The following FILIP1L variants were observed in gnomAD, a reference collection of about 807,000 sequenced individuals.
FILIP1L encodes the protein filamin A-interacting protein 1-like.
A neutral mutation model predicts 96.6 loss-of-function variants in FILIP1L; 55 were observed. That is an observed-to-expected ratio of 0.57 (90% confidence interval 0.46 to 0.71). FILIP1L has a LOEUF of 0.71. Among genes scored for constraint, FILIP1L ranks in the 30% least tolerant of loss-of-function variants. The pLI is 0.00. For missense variants in FILIP1L, 1,304 were observed against 1,321.2 expected (o/e 0.99, Z 0.20); for synonymous variants, 467 against 473.9 (o/e 0.99, Z 0.19).
chr3:100,078,159 A>G (rs1282749714), intron 1 of FILIP1L, among the ~76,000 whole-genome samples: 1 of 152,162 alleles, frequency 6.6e-6, no homozygotes, highest in Non-Finnish European at 1.5e-5. Context: ...TATTGGTGCT[A>G]ATATATTTGC....
chr3:99,877,165 T>A (rs1426297743), intron 4 of FILIP1L, among the ~76,000 whole-genome samples: 1 of 152,210 alleles, frequency 6.6e-6, no homozygotes, highest in Admixed American at 6.5e-5. Flanking sequence ...ATCTGCTAAA[T>A]AAATTAGGGA....
intron 1 of FILIP1L, among the ~76,000 whole-genome samples, chr3:100,104,583 C>A (rs937148969): frequency 6.6e-6 from 1 of 152,238 alleles, no homozygotes; most frequent in South Asian, 2.1e-4. Context: ...AGAGAAGAAC[C>A]GAGTACAGAT....
chr3:99,928,250 C>A (rs1294155872), intron 3 of FILIP1L, among the ~76,000 whole-genome samples: 1 of 152,192 alleles, frequency 6.6e-6, no homozygotes, highest in Non-Finnish European at 1.5e-5. Flanking sequence ...GGGCATTCCC[C>A]TCTCACCTAG....
intron 4 of FILIP1L, among the ~76,000 whole-genome samples, chr3:99,888,346 A>G (rs2107611241): frequency 6.6e-6 from 1 of 152,190 alleles, no homozygotes; most frequent in South Asian, 2.1e-4. Context: ...AGCCTGGGCA[A>G]CAGAGTGAGA....
intron 1 of FILIP1L, among the ~76,000 whole-genome samples, chr3:100,099,004 G>A (rs752778128): frequency 4.6e-5 from 7 of 152,154 alleles, no homozygotes; most frequent in Non-Finnish European, 8.8e-5. Flanking sequence ...GCAGGTTTTT[G>A]CTTTCCTGAT....
At chr3:100,036,740 A>G (rs1373359525) in intron 1 of FILIP1L, among the ~76,000 whole-genome samples, 2 of 152,194 alleles carry the variant, frequency 1.3e-5, no homozygotes, top group African/African-American at 2.4e-5. Flanking sequence ...ATTACTTATT[A>G]ATAATCATGG....
In FILIP1L at chr3:100,072,522, T is replaced by C. The variant is rs547444858; in HGVS notation, c.-11+41531A>G. ...GAGGCATTTGCAGTGGTGCAATATC[T>C]TGCATTACTTTGTAAAGTTGTGACA... On this transcript the variant is annotated intron_variant, in intron 1 of 5. Transcript: ENST00000477258. 5.3e-5 allele frequency among the ~76,000 whole-genome samples: 8 copies of C among 152,328 alleles called. No homozygotes were observed. In the South Asian group the frequency reaches 1.0e-3, roughly 20 times the overall value.
intron 1 of FILIP1L, among the ~76,000 whole-genome samples, chr3:99,938,430 G>C (rs971517805): frequency 3.3e-5 from 5 of 152,210 alleles, no homozygotes; most frequent in African/African-American, 1.2e-4. Flanking sequence ...CACGGAGTGA[G>C]TCTGTGCTAA....
chr3:99,973,113 T>C (rs750736824), intron 1 of FILIP1L, among the ~76,000 whole-genome samples: 3 of 152,142 alleles, frequency 2.0e-5, no homozygotes, highest in Non-Finnish European at 2.9e-5. Flanking sequence ...AAGGGCAAAA[T>C]GAGGCCACCT....
chr3:99,975,535 T>G (rs1708944310), intron 1 of FILIP1L, among the ~76,000 whole-genome samples: 1 of 151,356 alleles, frequency 6.6e-6, no homozygotes, highest in South Asian at 2.1e-4. Flanking sequence ...GACGTTGCAG[T>G]GAGCCGAGGT....
At chr3:99,869,803 A>G (rs1944699655) in intron 4 of FILIP1L, among the ~76,000 whole-genome samples, 1 of 152,240 alleles carries the variant, frequency 6.6e-6, no homozygotes, top group Admixed American at 6.5e-5. Flanking sequence ...AGAGAAAAAC[A>G]TATTTCACCT....
intron 1 of FILIP1L, among the ~76,000 whole-genome samples, chr3:99,998,145 C>T (rs527266082): frequency 6.6e-6 from 1 of 152,196 alleles, no homozygotes; most frequent in Non-Finnish European, 1.5e-5. Context: ...TTTCTAATCT[C>T]AGCAAGATCT....
At chr3:100,019,310 T>C (rs2064762047) in intron 1 of FILIP1L, among the ~76,000 whole-genome samples, 1 of 152,044 alleles carries the variant, frequency 6.6e-6, no homozygotes, top group Non-Finnish European at 1.5e-5. Flanking sequence ...CAGTAAGCTA[T>C]GATCATGCCA....
chr3:99,893,921 T>C (rs529670947), intron 4 of FILIP1L, among the ~76,000 whole-genome samples: 5 of 152,320 alleles, frequency 3.3e-5, no homozygotes, highest in Non-Finnish European at 7.4e-5. Context: ...TTTCTGTGAG[T>C]TGCTCTACAG....
intron 4 of FILIP1L, among the ~76,000 whole-genome samples, chr3:99,867,614 T>C (rs1434599765): frequency 6.6e-6 from 1 of 152,168 alleles, no homozygotes; most frequent in African/African-American, 2.4e-5. Context: ...CTTGTCACCT[T>C]AGCTGCAACA....
intron 1 of FILIP1L, among the ~76,000 whole-genome samples, chr3:99,984,196 A>G (rs528068962): frequency 3.3e-5 from 5 of 152,238 alleles, no homozygotes; most frequent in Non-Finnish European, 7.4e-5. Context: ...TTGGAATGTG[A>G]TTGTTTGAGA....
At chr3:99,846,048 A>G (rs896791774) in intron 5 of FILIP1L, among the ~76,000 whole-genome samples, 1 of 152,246 alleles carries the variant, frequency 6.6e-6, no homozygotes, top group African/African-American at 2.4e-5. Context: ...TGTAGCTCAC[A>G]TAAGAAATTG....
chr3:100,011,181 A>G (rs1182568584), intron 1 of FILIP1L, among the ~76,000 whole-genome samples: 1 of 152,138 alleles, frequency 6.6e-6, no homozygotes, highest in Admixed American at 6.5e-5. Context: ...ATCTTTCATT[A>G]GTAAGAAGGA....
At chr3:100,094,372 A>G (rs989600762) in intron 1 of FILIP1L, among the ~76,000 whole-genome samples, 6 of 152,238 alleles carry the variant, frequency 3.9e-5, no homozygotes, top group Admixed American at 1.3e-4. Flanking sequence ...TTCTCCCAAT[A>G]TCAAGATATT....
Sources: gnomAD v4.1 joint callset for allele counts (sites outside exome capture counted in the v4.1 genomes callset) on GRCh38, gnomAD v4.1.1 for gene constraint, MANE v1.5 for transcripts, NCBI Gene and HGNC (gene_info 2026-07-23, HGNC 2026-07-21) for gene names.